SLC9A9: variants seen among roughly 807,000 people sequenced by gnomAD.
SLC9A9 encodes solute carrier family 9 member A9.
A neutral mutation model predicts 77.8 loss-of-function variants in SLC9A9; 62 were observed. That is an observed-to-expected ratio of 0.80 (90% CI 0.65 to 0.98). The LOEUF (loss-of-function observed/expected upper bound fraction) is 0.98, where lower values mean the gene tolerates loss of function less well. Ranked by LOEUF, SLC9A9 falls within the 50% of genes least tolerant of loss-of-function variation. SLC9A9 has a pLI of 0.00. For synonymous variants in SLC9A9, 320 were observed against 283.5 expected, an observed-to-expected ratio of 1.13 and a Z score of -1.29; for missense variants, 775 against 774.9, an observed-to-expected ratio of 1.00 and a Z score of 0.00.
At chr3:143,533,665 A>G (rs548987982) in intron 9 of SLC9A9, among the ~76,000 whole-genome samples, 1 of 152,334 alleles carries the variant, frequency 6.6e-6, no homozygotes, top group South Asian at 2.1e-4. Flanking sequence ...ATTTGGAGGT[A>G]AGGGTATTTT....
chr3:143,492,000 A>C (rs1056111347), intron 11 of SLC9A9, among the ~76,000 whole-genome samples: 13 of 152,112 alleles, frequency 8.5e-5, no homozygotes, highest in Non-Finnish European at 1.6e-4. Context: ...GTCAAAAATC[A>C]CCTACCACTT....
rs547111334 is a variant in SLC9A9, at chr3:143,498,301, C to T, written c.1090-2853G>A. Among the ~76,000 whole-genome samples, 709 of 152,324 alleles carry T rather than the reference C, an allele frequency of 4.7e-3. 8 individuals are homozygous for T. Among genetic ancestry groups the T allele is most frequent in the Non-Finnish European group, 8.0e-3 (545 of 68,038 alleles). ...TATTTCATAGTCTAGACTGTTCTCA[C>T]ACCCTACATTATTCAGAATTTTCCA... On this transcript the variant is annotated intron_variant, in intron 9 of 15. Coordinates refer to ENST00000316549, the MANE Select transcript of SLC9A9 (RefSeq NM_173653.4).
At chr3:143,510,192 T>C (rs1462598508) in intron 9 of SLC9A9, among the ~76,000 whole-genome samples, 2 of 152,220 alleles carry the variant, frequency 1.3e-5, no homozygotes, top group Non-Finnish European at 2.9e-5. Context: ...TTGTAAAATG[T>C]TGCAAAAATG....
At chr3:143,554,634 C>T (rs1367167350) in intron 8 of SLC9A9, among the ~76,000 whole-genome samples, 3 of 152,168 alleles carry the variant, frequency 2.0e-5, no homozygotes, top group Non-Finnish European at 4.4e-5. Flanking sequence ...CTGGCCTTTG[C>T]TCAAAACTTT....
At chr3:143,572,325 G>A (rs544328256) in intron 8 of SLC9A9, among the ~76,000 whole-genome samples, 39 of 151,904 alleles carry the variant, frequency 2.6e-4, no homozygotes, top group South Asian at 1.0e-3. Flanking sequence ...GTGTGTGTGC[G>A]CGTGTGTTTA....
chr3:143,338,899 T>C (rs556423233), intron 14 of SLC9A9, among the ~76,000 whole-genome samples: 104 of 152,210 alleles, frequency 6.8e-4, no homozygotes, highest in Non-Finnish European at 1.2e-3. Flanking sequence ...TTTGAATCCA[T>C]GTTCCTCAAC....
chr3:143,640,826 T>C (rs2108737948), intron 6 of SLC9A9, among the ~76,000 whole-genome samples: 1 of 152,326 alleles, frequency 6.6e-6, no homozygotes, highest in South Asian at 2.1e-4. Flanking sequence ...CATTACAGCC[T>C]GGGCAACAGA....
At chr3:143,398,096 T>C (rs77620831) in intron 12 of SLC9A9, among the ~76,000 whole-genome samples, 342 of 152,180 alleles carry the variant, frequency 2.2e-3, no homozygotes, top group Middle Eastern at 3.4e-3. Context: ...GATTCTGAAC[T>C]TCCCCCCCGC....
At chr3:143,470,725 C>T (rs1211835113) in intron 11 of SLC9A9, among the ~76,000 whole-genome samples, 1 of 152,010 alleles carries the variant, frequency 6.6e-6, no homozygotes, top group African/African-American at 2.4e-5. Context: ...AATAAGATGC[C>T]TAGTATCAAC....
intron 6 of SLC9A9, among the ~76,000 whole-genome samples, chr3:143,634,628 G>T (rs190926760): frequency 6.6e-6 from 1 of 151,892 alleles, no homozygotes; most frequent in Non-Finnish European, 1.5e-5. Flanking sequence ...TTGATACTTA[G>T]GAGCATTTGC....
At chr3:143,363,607 A>G in intron 13 of SLC9A9, 44 bp from the exon 14 acceptor site, 1 of 1,538,800 alleles carries the variant, frequency 6.5e-7, no homozygotes, top group Non-Finnish European at 9.0e-7. Context: ...AATAGTCAAA[A>G]AGATTTTAAT....
At chr3:143,458,777 A>G (rs1381979409) in intron 12 of SLC9A9, among the ~76,000 whole-genome samples, 2 of 152,110 alleles carry the variant, frequency 1.3e-5, no homozygotes, top group Non-Finnish European at 2.9e-5. Flanking sequence ...TTCAATAACC[A>G]TACATATTTT....
chr3:143,788,990 T>C (rs982348003), intron 4 of SLC9A9, among the ~76,000 whole-genome samples: 2 of 152,052 alleles, frequency 1.3e-5, no homozygotes, highest in African/African-American at 4.8e-5. Flanking sequence ...ACTTACTAGA[T>C]TGGCAAAAAT....
chr3:143,343,520 A>G (rs2032172852), intron 14 of SLC9A9: 2 of 152,188 alleles, frequency 1.3e-5, no homozygotes, highest in Non-Finnish European at 2.9e-5. Flanking sequence ...GGATTCAGCA[A>G]GAAAATACTA....
At position 143,652,299 on chromosome 3, in the gene SLC9A9, A is replaced by G. The variant is rs1323133126; in HGVS notation, c.711T>C (p.Phe237=). The change falls in exon 6 of 16, where the codon TTT becomes TTC. Residue 237 remains phenylalanine (F), a synonymous_variant. Coordinates refer to ENST00000316549, the MANE Select transcript of SLC9A9 (RefSeq NM_173653.4). ...HVDPDLYTLL[F]GESVLNDAVA... is the part of the protein sequence containing the mutation. ...CTGCATCATTCAACACACTCTCTCC[A>G]AACAAGAGTGTGTACAGGTCAGGGT... The G allele has an allele frequency of 1.9e-6, 3 of 1,613,380 alleles. No homozygotes were observed. The highest frequency in any genetic ancestry group is 1.7e-5 in the Admixed American group (1 of 59,938).
chr3:143,399,022 T>C (rs917461474), intron 12 of SLC9A9, among the ~76,000 whole-genome samples: 3 of 152,062 alleles, frequency 2.0e-5, no homozygotes, highest in African/African-American at 4.8e-5. Context: ...CACACATACA[T>C]ATATATGTAC....
At chr3:143,304,608 C>G (rs2030694584) in intron 14 of SLC9A9, among the ~76,000 whole-genome samples, 1 of 152,188 alleles carries the variant, frequency 6.6e-6, no homozygotes, top group South Asian at 2.1e-4. Context: ...ATGGCTGGCT[C>G]ATAAACGAGA....
intron 12 of SLC9A9, among the ~76,000 whole-genome samples, chr3:143,385,325 G>C (rs1159020630): frequency 6.6e-6 from 1 of 151,822 alleles, no homozygotes; most frequent in Non-Finnish European, 1.5e-5. Context: ...AAATATTATA[G>C]AAAGGCTTAC....
intron 10 of SLC9A9, among the ~76,000 whole-genome samples, chr3:143,494,967 C>A (rs530898079): frequency 2.7e-4 from 41 of 152,278 alleles, no homozygotes; most frequent in Non-Finnish European, 4.0e-4. Context: ...CTGGATGCTT[C>A]CTGATATACT....
Sources: allele counts gnomAD v4.1 joint callset (sites outside exome capture counted in the v4.1 genomes callset), GRCh38; gene constraint gnomAD v4.1.1; transcripts MANE v1.5; gene names NCBI Gene and HGNC (gene_info 2026-07-23, HGNC 2026-07-21).